Variants in PSAP observed in about 807,000 individuals in gnomAD.
PSAP encodes prosaposin, also known as precursor of saposins.
PSAP carries 25 observed loss-of-function variants against 66.0 expected under a neutral mutation model. That is an observed-to-expected ratio of 0.38 (90% confidence interval 0.28 to 0.53). The LOEUF is 0.53. Among genes scored for constraint, PSAP ranks in the 20% least tolerant of loss-of-function variants. PSAP has a pLI of 0.83. For synonymous variants in PSAP, 273 were observed against 258.9 expected (o/e 1.05, Z -0.52); for missense variants, 649 against 668.8 (o/e 0.97, Z 0.33).
At chr10:71,828,281 G>T in intron 5 of PSAP, 124 bp from the exon 6 acceptor site, 2 of 990,370 alleles carry the variant, frequency 2.0e-6, no homozygotes, top group African/African-American at 3.2e-5. Flanking sequence ...TGCTTTACAG[G>T]CTCTCAAATT....
intron 13 of PSAP, among the ~76,000 whole-genome samples, chr10:71,818,104 C>A (rs1322052404): frequency 3.3e-5 from 5 of 152,250 alleles, no homozygotes. Flanking sequence ...AACATCCCCA[C>A]CCAGGGAAGC....
At position 71,819,721 on chromosome 10, in the gene PSAP, T is replaced by C; in HGVS notation, c.1185A>G (p.Ala395=). The change falls in exon 10 of 14, where the codon GCA becomes GCG. Residue 395 remains alanine (A), a synonymous_variant. Transcript: ENST00000394936. ...LHLCSGTRLP[A]LTVHVTQPKD... ...ACCACACCCAGCGCTCACCGGTCAGTGCAGGCAGCCGCGTGCCAGAGCAGA... is the reference window on the plus strand; with the variant it reads ...ACCACACCCAGCGCTCACCGGTCAGCGCAGGCAGCCGCGTGCCAGAGCAGA... The C allele has an allele frequency of 6.2e-7, 1 of 1,614,058 alleles. No homozygotes were observed. Among genetic ancestry groups the C allele is most frequent in the South Asian group, 1.1e-5 (1 of 91,084 alleles).
chr10:71,839,979 T>C (rs1195420913), intron 1 of PSAP, among the ~76,000 whole-genome samples: 1 of 152,212 alleles, frequency 6.6e-6, no homozygotes, highest in Non-Finnish European at 1.5e-5. Context: ...AACAAGTGTT[T>C]CCTGGCTTAC....
chr10:71,829,069 A>C lies in PSAP; in HGVS notation c.384T>G (p.Pro128=). Residue 128 remains proline, a synonymous_variant, in exon 5 of 14, where the codon CCT becomes CCG. Coordinates refer to ENST00000394936, the MANE Select transcript of PSAP (RefSeq NM_002778.4). ...LDIIKGEMSR[P]GEVCSALNLC... is the part of the protein sequence containing the mutation. ...GGTTGAGAGCAGAGCACACCTCCCCAGGACGGCTCTGGTGGGATGGAAAGA... is the reference window on the plus strand; with the variant it reads ...GGTTGAGAGCAGAGCACACCTCCCCCGGACGGCTCTGGTGGGATGGAAAGA... 6.2e-7 allele frequency: 1 copy of C among 1,613,998 alleles called. No individual in the cohort carries two copies. Among genetic ancestry groups the C allele is most frequent in the African/African-American group, 1.3e-5 (1 of 75,038 alleles).
chr10:71,827,385 C>T (rs577367561), intron 6 of PSAP, among the ~76,000 whole-genome samples: 113 of 132,138 alleles, frequency 8.6e-4, no homozygotes, highest in Non-Finnish European at 1.2e-3. Flanking sequence ...GGCGACAGAG[C>T]GAGACTCCGT....
intron 4 of PSAP, among the ~76,000 whole-genome samples, chr10:71,830,290 C>G (rs1028324270): frequency 6.6e-6 from 1 of 152,196 alleles, no homozygotes; most frequent in African/African-American, 2.4e-5. Flanking sequence ...TATACATCCC[C>G]CTCATGAGCA....
rs1288855792 is a variant in PSAP at position 71,816,412 on chromosome 10, C to A, written c.*1029G>T. 1 of 471,236 alleles carries A rather than the reference C, an allele frequency of 2.1e-6. No individual in the cohort carries two copies. The highest frequency in any genetic ancestry group is 4.4e-6 in the Non-Finnish European group (1 of 227,054). 29.2% of individuals were successfully genotyped at this position (471,236 alleles called of 1,614,324 possible). ...GCTGGCTTTGCTTGCTGTCTCCTGG[C>A]AACCAGAAGTGGACAGAAGCGTGGG... On this transcript the variant is annotated 3_prime_UTR_variant, in exon 14 of 14. Coordinates refer to ENST00000394936, the MANE Select transcript of PSAP (RefSeq NM_002778.4).
chr10:71,825,718 C>T (rs768747723), intron 7 of PSAP, 119 bp downstream of exon 7: 1 of 938,804 alleles, frequency 1.1e-6, no homozygotes, highest in Admixed American at 2.0e-5. Context: ...CGATTTAGCC[C>T]AATTCAGCAC....
intron 1 of PSAP, among the ~76,000 whole-genome samples, chr10:71,845,466 ATAC>A (rs886121844): frequency 3.3e-5 from 5 of 152,238 alleles, no homozygotes; most frequent in Non-Finnish European, 5.9e-5. Context: ...TCAGTAGAAT[ATAC>A]TACTATTTGT....
In PSAP at chr10:71,825,678, G is replaced by T. The variant is rs183276429; in HGVS notation, c.777+159C>A. On this transcript the variant is annotated intron_variant, in intron 7 of 13. Coordinates refer to ENST00000394936, the MANE Select transcript of PSAP (RefSeq NM_002778.4). Reference sequence around the variant, plus strand: ...CCGTAACAGGGGAGGTACTGAGATTGCAAGTGGAGAGTCTCCTAGCCAGAG... The same window carrying T: ...CCGTAACAGGGGAGGTACTGAGATTTCAAGTGGAGAGTCTCCTAGCCAGAG... The T allele has an allele frequency of 6.9e-3, 4,936 of 720,280 alleles. 43 individuals are homozygous for T. The highest frequency in any genetic ancestry group is 8.3e-3 in the South Asian group (561 of 67,230). The allele number at this position is 720,280 out of a possible 1,614,324, so 44.6% of individuals were successfully genotyped here. A position where few individuals can be genotyped will look rare whatever the true frequency, so the allele number is the denominator to read the frequency against.
At chr10:71,839,961 G>C (rs921934486) in intron 1 of PSAP, among the ~76,000 whole-genome samples, 1 of 152,130 alleles carries the variant, frequency 6.6e-6, no homozygotes, top group Non-Finnish European at 1.5e-5. Flanking sequence ...CTTACAGAAA[G>C]GTCTCCCAAC....
At chr10:71,849,784 C>T (rs1038658408) in intron 1 of PSAP, among the ~76,000 whole-genome samples, 1 of 152,134 alleles carries the variant, frequency 6.6e-6, no homozygotes, top group Non-Finnish European at 1.5e-5. Context: ...GCTGGGATTA[C>T]AGGCATAAGC....
intron 4 of PSAP, among the ~76,000 whole-genome samples, chr10:71,829,969 G>C (rs557098699): frequency 6.6e-6 from 1 of 152,044 alleles, no homozygotes; most frequent in African/African-American, 2.4e-5. Context: ...TGCACTCCAG[G>C]CTGGGCGACA....
intron 13 of PSAP, 64 bp downstream of exon 13, chr10:71,818,553 G>A: frequency 7.3e-7 from 1 of 1,376,646 alleles, no homozygotes; most frequent in Non-Finnish European, 1.0e-6. Flanking sequence ...CATTAAAGCA[G>A]GATTCTCACA....
chr10:71,846,252 A>C (rs540410831), intron 1 of PSAP, among the ~76,000 whole-genome samples: 138 of 152,316 alleles, frequency 9.1e-4, no homozygotes, highest in African/African-American at 3.2e-3. Flanking sequence ...GCAATGAGAT[A>C]ATGTGAAACT....
chr10:71,844,033 T>C (rs1320128113), intron 1 of PSAP, among the ~76,000 whole-genome samples: 1 of 152,250 alleles, frequency 6.6e-6, no homozygotes, highest in Non-Finnish European at 1.5e-5. Flanking sequence ...AAATTACCTC[T>C]AGGATATATT....
chr10:71,850,854 T>C (rs1842914425), intron 1 of PSAP, among the ~76,000 whole-genome samples: 1 of 152,142 alleles, frequency 6.6e-6, no homozygotes, highest in Non-Finnish European at 1.5e-5. Flanking sequence ...GGGGTCACCC[T>C]ACAAGACTCA....
At chr10:71,827,327 A>C (rs377540156) in intron 6 of PSAP, among the ~76,000 whole-genome samples, 14 of 150,718 alleles carry the variant, frequency 9.3e-5, no homozygotes, top group Admixed American at 2.0e-4. Context: ...TGAACCCGGG[A>C]GGCGGAGCTT....
In PSAP at chr10:71,817,134, C is replaced by A; in HGVS notation, c.*307G>T. The stretch of plus-strand genomic sequence containing the variant: ...GGGTTGATGGCCTCCAGTCAAGAAA[C>A]TGTGGCTCATGCCAGCAGAGCTCTC... On this transcript the variant is annotated 3_prime_UTR_variant, in exon 14 of 14. Coordinates refer to ENST00000394936, the MANE Select transcript of PSAP (RefSeq NM_002778.4). The A allele has an allele frequency of 2.1e-6, 1 of 486,278 alleles. No homozygotes were observed. Among genetic ancestry groups the A allele is most frequent in the Middle Eastern group, 5.7e-4 (1 of 1,750 alleles). The allele number at this position is 486,278 out of a possible 1,614,324, so 30.1% of individuals were successfully genotyped here.
Sources: gnomAD v4.1 joint callset for allele counts (sites outside exome capture counted in the v4.1 genomes callset) on GRCh38, gnomAD v4.1.1 for gene constraint, MANE v1.5 for transcripts, NCBI Gene and HGNC (gene_info 2026-07-23, HGNC 2026-07-21) for gene names.